The following COPB2 variants were observed in gnomAD, a reference collection of about 807,000 sequenced individuals.
The protein encoded by COPB2 is coat protein complex I subunit beta 2.
A neutral mutation model predicts 120.8 loss-of-function variants in COPB2; 16 were observed. The observed-to-expected ratio is 0.13, with a 90% CI of 0.09 to 0.20. The LOEUF is 0.20. Ranked by LOEUF, COPB2 falls within the 10% of genes least tolerant of loss-of-function variation. The pLI, the probability that COPB2 is intolerant of heterozygous loss-of-function variation, is 1.00. For synonymous variants in COPB2, 332 were observed against 366.3 expected (o/e 0.91, Z 1.07); for missense variants, 794 against 1,076.5 (o/e 0.74, Z 3.67).
intron 1 of COPB2, 185 bp downstream of exon 1, chr3:139,389,363 C>G: frequency 1.0e-6 from 1 of 986,948 alleles, no homozygotes; most frequent in East Asian, 3.3e-5. Context: ...CCCAAATCAC[C>G]CCGGTCCCCT....
Position 139,358,278 on chromosome 3 carries a change from C to T in COPB2, c.2554-7G>A. 2 of 1,612,114 alleles carry T rather than the reference C, an allele frequency of 1.2e-6. No individual in the cohort carries two copies. The highest frequency in any genetic ancestry group is 4.5e-5 in the East Asian group (2 of 44,860). On this transcript the variant is annotated splice_region_variant and splice_polypyrimidine_tract_variant and intron_variant, in intron 20 of 21. Transcript: ENST00000333188. Reference sequence around the variant, plus strand: ...CAGGTTTCCCATCAAGTTCCTGAAACCACAAGTGAAGATATATATGAAGAC... The same window carrying T: ...CAGGTTTCCCATCAAGTTCCTGAAATCACAAGTGAAGATATATATGAAGAC...
chr3:139,369,745 G>A (rs569744449), intron 10 of COPB2, among the ~76,000 whole-genome samples: 1 of 152,316 alleles, frequency 6.6e-6, no homozygotes, highest in East Asian at 1.9e-4. Flanking sequence ...GTTTTATACT[G>A]TGTATGACAT....
At chr3:139,379,803 C>CA (rs1483101383) in intron 2 of COPB2, 1 of 249,742 alleles carries the variant, frequency 4.0e-6, no homozygotes, top group Non-Finnish European at 7.7e-6. Context: ...CTTGAAAATC[C>CA]ACCCATGGAA....
intron 1 of COPB2, chr3:139,388,199 A>G (rs748593065): frequency 6.6e-6 from 1 of 152,148 alleles, no homozygotes; most frequent in Non-Finnish European, 1.5e-5. Flanking sequence ...GTAGTTAGTA[A>G]TACGAAGTGC....
In COPB2 at chr3:139,369,318, G is replaced by T. The variant is rs370401095; in HGVS notation, c.1344C>A (p.Ala448=). The T allele has an allele frequency of 9.3e-6, 15 of 1,613,718 alleles. No individual in the cohort carries two copies. The highest frequency in any genetic ancestry group is 6.7e-5 in the East Asian group (3 of 44,852). The change falls in exon 12 of 22, where the codon GCC becomes GCA. Residue 448 remains alanine, a synonymous_variant. Coordinates refer to ENST00000333188, the MANE Select transcript of COPB2 (RefSeq NM_004766.3). ...GTTCTGTATTGTCCCAGTCATAGAA[G>T]GCTAAGCCATTTACAGATCTGACTC... ...LLGVRSVNGL[A]FYDWDNTELI... is the part of the protein sequence containing the mutation.
chr3:139,360,564 A>G (rs1164480580), intron 17 of COPB2, among the ~76,000 whole-genome samples: 5 of 151,280 alleles, frequency 3.3e-5, no homozygotes, highest in African/African-American at 9.7e-5. Context: ...GTTTTATTTC[A>G]TAATACTGCC....
At chr3:139,362,032 A>G (rs1941428848) in intron 16 of COPB2, among the ~76,000 whole-genome samples, 1 of 152,208 alleles carries the variant, frequency 6.6e-6, no homozygotes. Flanking sequence ...CTGTCTTTCA[A>G]AACCAACATA....
chr3:139,357,719 G>A lies in COPB2; in HGVS notation c.*144C>T, dbSNP rs1941316862. ...CATAAACTCTTCTTAAGATGATGTG[G>A]GCATTGTGCTCCCAGTGGTCCACAG... On this transcript the variant is annotated 3_prime_UTR_variant, in exon 22 of 22. Coordinates refer to ENST00000333188, the MANE Select transcript of COPB2 (RefSeq NM_004766.3). 6.1e-6 allele frequency: 3 copies of A among 488,920 alleles called. No homozygotes were observed. The highest frequency in any genetic ancestry group is 1.1e-5 in the Non-Finnish European group (3 of 279,092). The allele number at this position is 488,920 out of a possible 1,614,324, so 30.3% of individuals were successfully genotyped here.
chr3:139,377,475 T>G (rs1941734560), intron 5 of COPB2, among the ~76,000 whole-genome samples: 1 of 152,168 alleles, frequency 6.6e-6, no homozygotes, highest in Admixed American at 6.5e-5. Flanking sequence ...TTGTGAACAT[T>G]CATAGCCTCT....
At chr3:139,376,755 T>A (rs116896998) in intron 5 of COPB2, among the ~76,000 whole-genome samples, 8,785 of 152,092 alleles carry the variant, frequency 0.058, 289 homozygotes, top group Middle Eastern at 0.11. Context: ...TTAATTAATT[T>A]ATTTATTTAT....
chr3:139,374,363 G>A, intron 7 of COPB2, 126 bp downstream of exon 7: 4 of 718,236 alleles, frequency 5.6e-6, no homozygotes, highest in South Asian at 3.4e-5. Context: ...TATAGCTTAA[G>A]TCTGGTACTT....
At chr3:139,359,599 AG>A (rs1941372180) in intron 17 of COPB2, among the ~76,000 whole-genome samples, 1 of 152,156 alleles carries the variant, frequency 6.6e-6, no homozygotes, top group Non-Finnish European at 1.5e-5. Context: ...ATAATTCCTA[AG>A]AACCTAAAGG....
chr3:139,357,528 C>A lies in COPB2; in HGVS notation c.*335G>T. The A allele has an allele frequency of 4.9e-6, 1 of 202,708 alleles. No homozygotes were observed. Among genetic ancestry groups the A allele is most frequent in the Non-Finnish European group, 9.8e-6 (1 of 102,190 alleles). The allele number at this position is 202,708 out of a possible 1,614,324, so 12.6% of individuals were successfully genotyped here. On this transcript the variant is annotated 3_prime_UTR_variant, in exon 22 of 22. Coordinates refer to ENST00000333188, the MANE Select transcript of COPB2 (RefSeq NM_004766.3). Reference sequence around the variant, plus strand: ...CTGATCCCTAGGCAAGGTGTAGTTTCGGCTCAGCCTTCTAAAACTAGAAGC... The same window carrying A: ...CTGATCCCTAGGCAAGGTGTAGTTTAGGCTCAGCCTTCTAAAACTAGAAGC...
rs1941774377 is a variant in COPB2 at position 139,379,735 on chromosome 3, CT to C, written c.142-270del. 5 of 351,002 alleles carry C rather than the reference CT, an allele frequency of 1.4e-5. No individual in the cohort carries two copies. In the South Asian group the frequency reaches 2.0e-4, roughly 14 times the overall value. 21.7% of individuals were successfully genotyped at this position (351,002 alleles called of 1,614,324 possible). A position where few individuals can be genotyped will look rare whatever the true frequency, so the allele number is the denominator to read the frequency against. On this transcript the variant is annotated intron_variant, in intron 2 of 21. Coordinates refer to ENST00000333188, the MANE Select transcript of COPB2 (RefSeq NM_004766.3). ...CCTCTGTGCTCCAGCCCTTCCCTCC[CT>C]TTTCCAGCCTCACCTTTGGCTACTC... is the stretch of plus-strand genomic sequence containing the variant.
In COPB2 at chr3:139,371,748, A is replaced by G; in HGVS notation, c.1180T>C (p.Phe394Leu). The G allele has an allele frequency of 6.2e-7, 1 of 1,613,696 alleles. No homozygotes were observed. Among genetic ancestry groups the G allele is most frequent in the Non-Finnish European group, 8.5e-7 (1 of 1,179,804 alleles). The change falls in exon 10 of 22, where the codon TTT (phenylalanine) becomes CTT (leucine). Residue 394 changes from phenylalanine (F) to leucine (L), a missense_variant. By Grantham distance (22) the Phe-to-Leu change is conservative. Coordinates refer to ENST00000333188, the MANE Select transcript of COPB2 (RefSeq NM_004766.3). ...TCTGAAGAATCGTGGGCCCATGCAA[A>G]CTCCTGAGCAGATCCAAAGCTCTTG... ...RNKSFGSAQE[F>L]AWAHDSSEYA... is the part of the protein sequence containing the mutation.
At chr3:139,381,709 A>T (rs1461904444) in intron 2 of COPB2, 1 of 152,226 alleles carries the variant, frequency 6.6e-6, no homozygotes, top group Non-Finnish European at 1.5e-5. Flanking sequence ...GAGATATATT[A>T]CAATAAAGCC....
intron 13 of COPB2, 95 bp downstream of exon 13, chr3:139,368,050 T>G (rs748764810): frequency 3.7e-5 from 52 of 1,386,936 alleles, no homozygotes; most frequent in Non-Finnish European, 4.9e-5. Flanking sequence ...CTACACCTAA[T>G]TTATAACGAA....
intron 12 of COPB2, 28 bp downstream of exon 12, chr3:139,369,233 C>T (rs2107801551): frequency 6.4e-7 from 1 of 1,573,636 alleles, no homozygotes; most frequent in Non-Finnish European, 8.7e-7. Context: ...ATAAATATTC[C>T]AAAAACAACA....
At chr3:139,388,903 T>A (rs1941991238) in intron 1 of COPB2, among the ~76,000 whole-genome samples, 1 of 152,156 alleles carries the variant, frequency 6.6e-6, no homozygotes, top group Admixed American at 6.6e-5. Context: ...AGGGCGTTTT[T>A]TAGGGTTACG....
Sources: gnomAD v4.1 joint callset for allele counts (sites outside exome capture counted in the v4.1 genomes callset) on GRCh38, gnomAD v4.1.1 for gene constraint, MANE v1.5 for transcripts, NCBI Gene and HGNC (gene_info 2026-07-23, HGNC 2026-07-21) for gene names.